Variants in ITGA1 observed in about 807,000 individuals in gnomAD.
The protein encoded by ITGA1 is integrin subunit alpha 1, also known as integrin alpha-1.
ITGA1 carries 85 observed loss-of-function variants against 145.9 expected under a neutral mutation model. The observed-to-expected ratio is 0.58, with a 90% confidence interval of 0.49 to 0.70. ITGA1 has a LOEUF of 0.70. Ranked by LOEUF, ITGA1 falls within the 30% of genes least tolerant of loss-of-function variation. ITGA1 has a pLI of 0.00. For synonymous variants in ITGA1, 520 were observed against 495.3 expected, an observed-to-expected ratio of 1.05 and a Z score of -0.66; for missense variants, 1,351 against 1,418.7, an observed-to-expected ratio of 0.95 and a Z score of 0.77.
chr5:52,952,194 A>T (rs575961388), intron 28 of ITGA1, among the ~76,000 whole-genome samples: 119 of 114,532 alleles, frequency 1.0e-3, no homozygotes, highest in African/African-American at 3.3e-3. Context: ...CTCAAAAAAA[A>T]AAAAGAAAAG....
chr5:52,859,657 C>G (rs746451570), intron 2 of ITGA1, among the ~76,000 whole-genome samples: 10 of 152,158 alleles, frequency 6.6e-5, no homozygotes, highest in Non-Finnish European at 1.5e-4. Context: ...TGTGCCTAAT[C>G]AATTTGTACT....
At chr5:52,908,866 A>T in intron 12 of ITGA1, 32 bp from the exon 13 acceptor site, 1 of 1,608,994 alleles carries the variant, frequency 6.2e-7, no homozygotes, top group Middle Eastern at 1.7e-4. Flanking sequence ...TCTGTTGTTC[A>T]TTGGGCTGTT....
chr5:52,807,200 A>G (rs967627014), intron 1 of ITGA1, among the ~76,000 whole-genome samples: 5 of 152,202 alleles, frequency 3.3e-5, no homozygotes, highest in Admixed American at 3.3e-4. Flanking sequence ...GTATTTGCCA[A>G]GTAGCAAATT....
intron 14 of ITGA1, among the ~76,000 whole-genome samples, chr5:52,914,145 C>A (rs995141664): frequency 6.6e-5 from 10 of 152,180 alleles, no homozygotes; most frequent in African/African-American, 2.4e-4. Context: ...CAAGATGCAA[C>A]TTTAAACAAA....
chr5:52,912,754 A>ATAT (rs1554046530), intron 14 of ITGA1, among the ~76,000 whole-genome samples: 10 of 139,422 alleles, frequency 7.2e-5, no homozygotes, highest in African/African-American at 2.8e-4. Flanking sequence ...ATATATATAT[A>ATAT]TTTTTTTTTT....
At chr5:52,924,858 AT>A (rs1381601493) in intron 18 of ITGA1, among the ~76,000 whole-genome samples, 6 of 152,160 alleles carry the variant, frequency 3.9e-5, no homozygotes, top group Admixed American at 1.3e-4. Context: ...AAACTCCTAG[AT>A]TTGTGGCTTG....
chr5:52,846,013 T>C (rs1749327906), intron 1 of ITGA1, among the ~76,000 whole-genome samples: 1 of 152,158 alleles, frequency 6.6e-6, no homozygotes, highest in African/African-American at 2.4e-5. Context: ...CAAATCTAGA[T>C]GGTAGAGCTA....
intron 7 of ITGA1, among the ~76,000 whole-genome samples, chr5:52,886,686 T>C (rs1045885294): frequency 1.5e-4 from 23 of 152,248 alleles, no homozygotes; most frequent in African/African-American, 5.1e-4. Flanking sequence ...TATATTTATA[T>C]AGAATACATA....
chr5:52,922,649 A>G (rs1229016081), intron 17 of ITGA1, 128 bp from the exon 18 acceptor site: 1 of 657,912 alleles, frequency 1.5e-6, no homozygotes, highest in Non-Finnish European at 2.7e-6. Context: ...ATGAGATCAT[A>G]TGTCAGATTA....
intron 1 of ITGA1, chr5:52,824,715 A>G (rs533934743): frequency 4.6e-5 from 7 of 152,214 alleles, no homozygotes; most frequent in Non-Finnish European, 8.8e-5. Context: ...TTAGCCACCA[A>G]AGAGAAGATA....
chr5:52,894,074 A>G (rs988893150), intron 9 of ITGA1, among the ~76,000 whole-genome samples: 1 of 152,058 alleles, frequency 6.6e-6, no homozygotes, highest in Admixed American at 6.6e-5. Flanking sequence ...GGCAGTGCTG[A>G]TGGGACAGCC....
chr5:52,910,150 T>C lies in ITGA1; in HGVS notation c.1600-12T>C. The C allele has an allele frequency of 6.3e-7, 1 of 1,597,616 alleles. No individual in the cohort carries two copies. The highest frequency in any genetic ancestry group is 8.6e-7 in the Non-Finnish European group (1 of 1,167,150). On this transcript the variant is annotated splice_polypyrimidine_tract_variant and intron_variant, in intron 13 of 28. Transcript: ENST00000282588. Reference sequence around the variant, plus strand: ...TGGAAATACATAAATATCCTGTTTATCTTTCTTCCAGACAAGGTTTGAATA... The same window carrying C: ...TGGAAATACATAAATATCCTGTTTACCTTTCTTCCAGACAAGGTTTGAATA...
At chr5:52,906,776 G>C (rs927250494) in intron 12 of ITGA1, among the ~76,000 whole-genome samples, 1 of 152,134 alleles carries the variant, frequency 6.6e-6, no homozygotes, top group African/African-American at 2.4e-5. Flanking sequence ...CTCTAGACTA[G>C]AGGGGCAGGA....
In ITGA1 at chr5:52,788,021, T is replaced by G. The variant is rs997560674; in HGVS notation, c.-333T>G. Reference sequence around the variant, plus strand: ...GTTTGCTTCTACAGCCCGTGGACTTTAGCCTAAACACGGACCCGCGAAGCT... The same window carrying G: ...GTTTGCTTCTACAGCCCGTGGACTTGAGCCTAAACACGGACCCGCGAAGCT... On this transcript the variant is annotated 5_prime_UTR_variant, in exon 1 of 29. The change creates a premature stop within an existing upstream ORF in the 5' untranslated region. Coordinates refer to ENST00000282588, the MANE Select transcript of ITGA1 (RefSeq NM_181501.2). 4 of 299,610 alleles carry G rather than the reference T, an allele frequency of 1.3e-5. No individual in the cohort carries two copies. The highest frequency in any genetic ancestry group is 2.5e-5 in the Non-Finnish European group (4 of 162,118). 18.6% of individuals were successfully genotyped at this position (299,610 alleles called of 1,614,324 possible).
intron 1 of ITGA1, among the ~76,000 whole-genome samples, chr5:52,822,095 T>C (rs1748888430): frequency 6.6e-6 from 1 of 152,210 alleles, no homozygotes; most frequent in African/African-American, 2.4e-5. Flanking sequence ...GAATTTGCCA[T>C]GTGGAGGCCG....
chr5:52,905,876 A>T lies in ITGA1; in HGVS notation c.1423A>T (p.Ile475Phe), dbSNP rs112042351. Residue 475 changes from isoleucine to phenylalanine, a missense_variant, in exon 12 of 29, where the codon ATC becomes TTC. Coordinates refer to ENST00000282588, the MANE Select transcript of ITGA1 (RefSeq NM_181501.2). ...VIIYRMEDGNIKILQTLSGEQ... is the reference protein window; with the variant it reads ...VIIYRMEDGNFKILQTLSGEQ... ...TATCTACAGGATGGAAGATGGAAAC[A>T]TCAAAATTCTCCAGACGCTCAGTGG... The T allele has an allele frequency of 2.1e-5, 34 of 1,613,340 alleles. No homozygotes were observed. The highest frequency in any genetic ancestry group is 2.6e-5 in the Non-Finnish European group (31 of 1,179,586).
intron 3 of ITGA1, 80 bp from the exon 4 acceptor site, chr5:52,864,683 T>G: frequency 1.2e-6 from 1 of 815,314 alleles, no homozygotes; most frequent in Non-Finnish European, 2.0e-6. Context: ...GCAAAACAAA[T>G]AGAATGTCTT....
chr5:52,810,916 A>G (rs1390257261), intron 1 of ITGA1, among the ~76,000 whole-genome samples: 1 of 152,216 alleles, frequency 6.6e-6, no homozygotes, highest in East Asian at 1.9e-4. Flanking sequence ...ATAATGGTTC[A>G]TTGTAAATTT....
chr5:52,849,600 T>A, intron 2 of ITGA1, 115 bp downstream of exon 2: 1 of 988,220 alleles, frequency 1.0e-6, no homozygotes, highest in Non-Finnish European at 1.4e-6. Flanking sequence ...TTATTTATGG[T>A]AGAAAATGCA....
Sources: allele counts gnomAD v4.1 joint callset (sites outside exome capture counted in the v4.1 genomes callset), GRCh38; gene constraint gnomAD v4.1.1; transcripts MANE v1.5; gene names NCBI Gene and HGNC (gene_info 2026-07-23, HGNC 2026-07-21).